The following P4HA1 variants were observed in gnomAD, a reference collection of about 807,000 sequenced individuals.
P4HA1 encodes prolyl 4-hydroxylase subunit alpha 1, also known as prolyl 4-hydroxylase subunit alpha-1.
In P4HA1, 24 loss-of-function variants were observed where a neutral mutation model predicts 72.8. That is an observed-to-expected ratio of 0.33 (90% CI 0.24 to 0.46). The LOEUF (loss-of-function observed/expected upper bound fraction) is 0.46. P4HA1 is among the 20% of genes least tolerant of loss of function. P4HA1 has a pLI of 1.00. For synonymous variants in P4HA1, 201 were observed against 218.8 expected (o/e 0.92, Z 0.72); for missense variants, 446 against 640.6 (o/e 0.70, Z 3.28).
chr10:73,022,943 G>C (rs1016229684), intron 10 of P4HA1, among the ~76,000 whole-genome samples: 3 of 152,062 alleles, frequency 2.0e-5, no homozygotes, highest in Admixed American at 6.6e-5. Flanking sequence ...CAAGTTTAGA[G>C]AAAAATGAGT....
intron 5 of P4HA1, 25 bp downstream of exon 5, chr10:73,068,821 T>C: frequency 6.3e-7 from 1 of 1,593,972 alleles, no homozygotes; most frequent in Admixed American, 1.7e-5. Flanking sequence ...GATAGGTATT[T>C]TATAGAATGG....
rs1159604881 is a variant in P4HA1, at chr10:73,073,719, C to T, written c.173+12G>A. 1 of 1,198,094 alleles carries T rather than the reference C, an allele frequency of 8.3e-7. No individual in the cohort carries two copies. Among genetic ancestry groups the T allele is most frequent in the Non-Finnish European group, 1.2e-6 (1 of 800,926 alleles). The allele number at this position is 1,198,094 out of a possible 1,614,324, so 74.2% of individuals were successfully genotyped here. A position where few individuals can be genotyped will look rare whatever the true frequency, so the allele number is the denominator to read the frequency against. On this transcript the variant is annotated intron_variant, in intron 3 of 14. Coordinates refer to ENST00000394890, the MANE Select transcript of P4HA1 (RefSeq NM_001017962.3). Reference sequence around the variant, plus strand: ...TTGAGTCAGAGTCATAATAAGCAAACATTTTGCTTACTTTTTTATTTGTTC... The same window carrying T: ...TTGAGTCAGAGTCATAATAAGCAAATATTTTGCTTACTTTTTTATTTGTTC...
At chr10:73,023,258 T>C (rs1056457335) in intron 10 of P4HA1, among the ~76,000 whole-genome samples, 4 of 152,178 alleles carry the variant, frequency 2.6e-5, no homozygotes, top group Non-Finnish European at 5.9e-5. Context: ...AAGGTCGGGT[T>C]ACCCACAAAG....
chr10:73,057,182 GA>G (rs1841170811), intron 5 of P4HA1, among the ~76,000 whole-genome samples: 1 of 151,054 alleles, frequency 6.6e-6, no homozygotes, highest in Admixed American at 6.6e-5. Flanking sequence ...ATAAAAACAT[GA>G]AATGCTAGTT....
At chr10:73,048,892 T>C (rs1339889294) in intron 7 of P4HA1, among the ~76,000 whole-genome samples, 1 of 152,118 alleles carries the variant, frequency 6.6e-6, no homozygotes, top group African/African-American at 2.4e-5. Flanking sequence ...CCCAGCACTT[T>C]GGGAGGCCGA....
chr10:73,014,164 A>G (rs1839967148), intron 12 of P4HA1, 60 bp downstream of exon 12: 2 of 1,134,610 alleles, frequency 1.8e-6, no homozygotes, highest in East Asian at 2.3e-5. Flanking sequence ...AACTTAAAAC[A>G]TTAAAATGAA....
intron 1 of P4HA1, among the ~76,000 whole-genome samples, chr10:73,077,705 G>C (rs1841730678): frequency 6.6e-6 from 1 of 151,862 alleles, no homozygotes; most frequent in South Asian, 2.1e-4. Flanking sequence ...AAATGCCTGG[G>C]CACAGTGGTT....
At chr10:73,016,980 G>T in intron 10 of P4HA1, 81 bp from the exon 11 acceptor site, 1 of 949,724 alleles carries the variant, frequency 1.1e-6, no homozygotes, top group Non-Finnish European at 1.6e-6. Context: ...TCATTTTTTG[G>T]ACTTTTATAG....
At chr10:73,013,387 T>C (rs996250896) in intron 12 of P4HA1, among the ~76,000 whole-genome samples, 1 of 152,152 alleles carries the variant, frequency 6.6e-6, no homozygotes, top group Non-Finnish European at 1.5e-5. Flanking sequence ...CCAGTCACTA[T>C]GCTGTGAAGA....
In P4HA1 at chr10:73,051,182, A is replaced by G. The variant is rs201503972; in HGVS notation, c.771T>C (p.Asp257=). The G allele has an allele frequency of 9.3e-6, 15 of 1,609,908 alleles. No homozygotes were observed. Among genetic ancestry groups the G allele is most frequent in the Non-Finnish European group, 1.2e-5 (14 of 1,176,230 alleles). ...YFEYIMAKEK[D]VNKSASDDQS... Reference sequence around the variant, plus strand: ...GGTCATCTGAAGCAGACTTATTGACATCTTTTTCTTTAGCCATTATATACT... The same window carrying G: ...GGTCATCTGAAGCAGACTTATTGACGTCTTTTTCTTTAGCCATTATATACT... Residue 257 remains aspartate (D), a synonymous_variant, in exon 7 of 15, where the codon GAT becomes GAC. Transcript: ENST00000394890.
intron 9 of P4HA1, among the ~76,000 whole-genome samples, chr10:73,042,467 A>AT (rs1840759318): frequency 6.6e-6 from 1 of 152,114 alleles, no homozygotes; most frequent in Admixed American, 6.5e-5. Context: ...TGACAACTAA[A>AT]TTTTTTCATA....
At chr10:73,072,266 A>G in intron 3 of P4HA1, 86 bp from the exon 4 acceptor site, 5 of 1,144,352 alleles carry the variant, frequency 4.4e-6, no homozygotes, top group South Asian at 1.5e-5. Context: ...AAAAATGACT[A>G]GAAGTTTTTG....
intron 10 of P4HA1, among the ~76,000 whole-genome samples, chr10:73,027,910 A>C (rs888013470): frequency 4.1e-5 from 6 of 146,710 alleles, no homozygotes; most frequent in African/African-American, 1.6e-4. Context: ...GGGAAGAATC[A>C]GAAATCATAG....
At position 73,011,053 on chromosome 10, in the gene P4HA1, G is replaced by T. The variant is rs750616527; in HGVS notation, c.1369-16C>A. On this transcript the variant is annotated splice_polypyrimidine_tract_variant and intron_variant, in intron 12 of 14. Coordinates refer to ENST00000394890, the MANE Select transcript of P4HA1 (RefSeq NM_001017962.3). ...CATCACTCATCTATAAGAAACAAGAGGGTGTTATCAAAAGTGCTGGTAGAA... is the reference window on the plus strand; with the variant it reads ...CATCACTCATCTATAAGAAACAAGATGGTGTTATCAAAAGTGCTGGTAGAA... The T allele has an allele frequency of 3.1e-6, 5 of 1,602,250 alleles. No individual in the cohort carries two copies. The highest frequency in any genetic ancestry group is 2.6e-6 in the Non-Finnish European group (3 of 1,171,158).
intron 1 of P4HA1, among the ~76,000 whole-genome samples, chr10:73,095,624 T>G (rs192827132): frequency 2.5e-3 from 380 of 150,826 alleles, no homozygotes; most frequent in African/African-American, 8.8e-3. Context: ...CCCCTCCGAG[T>G]GCATTCCAAG....
chr10:73,087,003 A>G (rs962171740), intron 1 of P4HA1, among the ~76,000 whole-genome samples: 1 of 151,040 alleles, frequency 6.6e-6, no homozygotes, highest in Non-Finnish European at 1.5e-5. Context: ...GTAAATACCT[A>G]GGAGCGGGAA....
chr10:73,087,713 C>T (rs998822953), intron 1 of P4HA1, among the ~76,000 whole-genome samples: 3 of 151,866 alleles, frequency 2.0e-5, no homozygotes, highest in Non-Finnish European at 2.9e-5. Context: ...TGGTCTCAAA[C>T]TCCTGGATTT....
intron 14 of P4HA1, 153 bp downstream of exon 14, chr10:73,009,652 TTG>T: frequency 2.0e-6 from 1 of 502,692 alleles, no homozygotes; most frequent in East Asian, 2.9e-5. Flanking sequence ...GATTTCAAAT[TTG>T]TATTATGATT....
chr10:73,071,768 A>G (rs865801714), intron 4 of P4HA1, among the ~76,000 whole-genome samples: 3 of 150,784 alleles, frequency 2.0e-5, no homozygotes, highest in Non-Finnish European at 2.9e-5. Flanking sequence ...GATTACCCTC[A>G]GAAATGAAGC....
Sources: gnomAD v4.1 joint callset for allele counts (sites outside exome capture counted in the v4.1 genomes callset) on GRCh38, gnomAD v4.1.1 for gene constraint, MANE v1.5 for transcripts, NCBI Gene and HGNC (gene_info 2026-07-23, HGNC 2026-07-21) for gene names.